JADE2: variants seen among roughly 807,000 people sequenced by gnomAD.
JADE2 encodes E3 ubiquitin-protein ligase Jade-2.
Under a neutral mutation model 85.7 loss-of-function variants are expected in JADE2, and 13 were observed. The observed-to-expected ratio is 0.15, with a 90% CI of 0.10 to 0.24. The LOEUF (loss-of-function observed/expected upper bound fraction) is 0.24. Among genes scored for constraint, JADE2 ranks in the 10% least tolerant of loss-of-function variants. JADE2 has a pLI of 1.00. For synonymous variants in JADE2, 440 were observed against 456.1 expected, an observed-to-expected ratio of 0.96 and a Z score of 0.45; for missense variants, 846 against 1,115.9, an observed-to-expected ratio of 0.76 and a Z score of 3.45.
intron 4 of JADE2, among the ~76,000 whole-genome samples, chr5:134,557,467 C>T (rs1312725038): frequency 4.6e-5 from 6 of 130,786 alleles, no homozygotes; most frequent in South Asian, 2.7e-4. Flanking sequence ...GCCATGCTGG[C>T]GCGCTGCACC....
chr5:134,578,484 CT>C lies in JADE2; in HGVS notation c.1682-9del. On this transcript the variant is annotated splice_polypyrimidine_tract_variant and intron_variant, in intron 11 of 11. Coordinates refer to ENST00000681547, the MANE Select transcript of JADE2 (RefSeq NM_001388185.1). The surrounding 1 kb of genome is among the most constrained non-coding windows in gnomAD (Gnocchi z 4.4). The stretch of plus-strand genomic sequence containing the variant: ...TGCTGGCGTCTCACTTGCCTCCTCT[CT>C]CCCCTCAGCAGGCCTGTCCACCTCA... 1 of 1,554,356 alleles carries C rather than the reference CT, an allele frequency of 6.4e-7. No homozygotes were observed. The highest frequency in any genetic ancestry group is 8.7e-7 in the Non-Finnish European group (1 of 1,144,272).
intron 2 of JADE2, among the ~76,000 whole-genome samples, chr5:134,537,604 C>G (rs929645430): frequency 6.6e-6 from 1 of 152,158 alleles, no homozygotes; most frequent in African/African-American, 2.4e-5. Context: ...CTCTGAATAC[C>G]CACTGGCATC....
chr5:134,547,597 G>A (rs1762368854), intron 3 of JADE2, among the ~76,000 whole-genome samples: 3 of 152,226 alleles, frequency 2.0e-5, no homozygotes, highest in Non-Finnish European at 4.4e-5. Context: ...TTCCAAGCCT[G>A]CCTCCTGGAA....
rs1375742739 is a variant in JADE2 at position 134,578,956 on chromosome 5, A to G, written c.2144A>G (p.Glu715Gly). The G allele has an allele frequency of 1.9e-6, 3 of 1,612,916 alleles. No individual in the cohort carries two copies. Among genetic ancestry groups the G allele is most frequent in the Non-Finnish European group, 2.5e-6 (3 of 1,179,848 alleles). Reference sequence around the variant, plus strand: ...GACTGTCCCATCCTAGCCACCCCTGAAAGCCCCCCGCCACTGGCCCCTGAG... The same window carrying G: ...GACTGTCCCATCCTAGCCACCCCTGGAAGCCCCCCGCCACTGGCCCCTGAG... ...AGDCPILATP[E>G]SPPPLAPETP... is the part of the protein sequence containing the mutation. The change falls in exon 12 of 12, where the codon GAA (glutamate) becomes GGA (glycine). Residue 715 changes from glutamate to glycine, a missense_variant. Physicochemically the swap from Glu to Gly is moderately conservative, Grantham distance 98. This residue lies in a region of JADE2 where 300 missense variants were observed against 300.7 expected (regional missense o/e 1.00). Transcript: ENST00000681547. This position sits in a 1 kb window ranked among gnomAD's most constrained non-coding sequence, Gnocchi z 4.4.
At chr5:134,547,571 A>G (rs1170370416) in intron 3 of JADE2, among the ~76,000 whole-genome samples, 1 of 152,190 alleles carries the variant, frequency 6.6e-6, no homozygotes, top group Non-Finnish European at 1.5e-5. Context: ...GAGTTTTAGG[A>G]GAACATTTAA....
Position 134,560,933 on chromosome 5 carries a change from C to T in JADE2, c.660C>T (p.Asp220=). Reference sequence around the variant, plus strand: ...ATGGCAACGAGATGGTCTTCTGTGACAAGTGCAACGTCTGTGTGCATCAGG... The same window carrying T: ...ATGGCAACGAGATGGTCTTCTGTGATAAGTGCAACGTCTGTGTGCATCAGG... The part of the protein sequence containing the change: ...GEDGNEMVFC[D]KCNVCVHQAC... The change falls in exon 6 of 12, where the codon GAC becomes GAT. Residue 220 remains aspartate (D), a synonymous_variant. Transcript: ENST00000681547. 6.2e-7 allele frequency: 1 copy of T among 1,613,922 alleles called. No homozygotes were observed. The highest frequency in any genetic ancestry group is 1.7e-5 in the Admixed American group (1 of 59,992).
chr5:134,577,256 C>A (rs748330135), intron 11 of JADE2, among the ~76,000 whole-genome samples: 2 of 152,222 alleles, frequency 1.3e-5, no homozygotes, highest in Non-Finnish European at 2.9e-5. Context: ...AAAGCCCCAT[C>A]CTTGTCCTAC....
intron 3 of JADE2, among the ~76,000 whole-genome samples, chr5:134,541,410 G>C (rs369736249): frequency 6.6e-6 from 1 of 152,218 alleles, no homozygotes; most frequent in African/African-American, 2.4e-5. Flanking sequence ...TAAATCTCAC[G>C]GACTGCTCTC....
intron 4 of JADE2, among the ~76,000 whole-genome samples, chr5:134,557,085 A>AAC (rs57933495): frequency 3.0e-4 from 45 of 147,930 alleles, no homozygotes; most frequent in African/African-American, 6.9e-4. Flanking sequence ...ACACCACACA[A>AAC]ACACACACAC....
intron 4 of JADE2, among the ~76,000 whole-genome samples, chr5:134,557,411 G>A (rs55840596): frequency 0.15 from 19,313 of 125,216 alleles, 1,666 homozygotes; most frequent in Middle Eastern, 0.24. Context: ...CTAAGTTTTA[G>A]GGTACATGTG....
chr5:134,574,193 A>G (rs1764223759), intron 10 of JADE2: 6 of 271,054 alleles, frequency 2.2e-5, no homozygotes, highest in South Asian at 1.9e-4. Context: ...CAGAGATGTG[A>G]CAGGACCTGG....
rs1764767483 is a variant in JADE2, at chr5:134,582,688, G to T, written c.*3371G>T. The stretch of plus-strand genomic sequence containing the variant: ...CTGAGACCTTTGGTTGTTCTTTAAG[G>T]CACCTCCTGCCACTTTCTCCCTCAG... On this transcript the variant is annotated 3_prime_UTR_variant, in exon 12 of 12. Coordinates refer to ENST00000681547, the MANE Select transcript of JADE2 (RefSeq NM_001388185.1). 1.3e-5 allele frequency: 2 copies of T among 152,636 alleles called. No homozygotes were observed. The highest frequency in any genetic ancestry group is 2.9e-5 in the Non-Finnish European group (2 of 68,042). The allele number at this position is 152,636 out of a possible 1,614,324, so 9.5% of individuals were successfully genotyped here. A position where few individuals can be genotyped will look rare whatever the true frequency, so the allele number is the denominator to read the frequency against.
chr5:134,574,375 C>G (rs1764235102), intron 10 of JADE2: 1 of 162,648 alleles, frequency 6.1e-6, no homozygotes, highest in South Asian at 1.7e-4. Context: ...GTGGATATTG[C>G]CAGACACAGG....
intron 3 of JADE2, among the ~76,000 whole-genome samples, chr5:134,545,368 C>T (rs1039606213): frequency 4.0e-5 from 6 of 151,404 alleles, no homozygotes; most frequent in Admixed American, 6.6e-5. Flanking sequence ...GCAGGAAGTG[C>T]TGTTATCCTC....
chr5:134,571,167 A>G (rs1763981590), intron 9 of JADE2, among the ~76,000 whole-genome samples: 1 of 152,208 alleles, frequency 6.6e-6, no homozygotes, highest in Non-Finnish European at 1.5e-5. Context: ...CTGCCAGGTC[A>G]CATGGCCTTC....
intron 4 of JADE2, among the ~76,000 whole-genome samples, chr5:134,558,980 C>T (rs1432358278): frequency 2.0e-5 from 3 of 152,238 alleles, no homozygotes; most frequent in African/African-American, 4.8e-5. Context: ...CAAGCTGCCT[C>T]AGCGGCAGAG....
chr5:134,558,816 G>A (rs1763146305), intron 4 of JADE2, among the ~76,000 whole-genome samples: 1 of 152,252 alleles, frequency 6.6e-6, no homozygotes, highest in Non-Finnish European at 1.5e-5. Flanking sequence ...GGGATTACAG[G>A]CATGAGCCAC....
chr5:134,555,562 G>T (rs1356510164), intron 4 of JADE2, among the ~76,000 whole-genome samples: 1 of 152,190 alleles, frequency 6.6e-6, no homozygotes, highest in Non-Finnish European at 1.5e-5. Context: ...CTTCACCTTG[G>T]CTCTTCAGAA....
At chr5:134,557,200 T>C (rs1306577413) in intron 4 of JADE2, among the ~76,000 whole-genome samples, 3 of 151,000 alleles carry the variant, frequency 2.0e-5, no homozygotes, top group Non-Finnish European at 4.4e-5. Context: ...TTATTGTTGT[T>C]ATTATGATGA....
Sources: gnomAD v4.1 joint callset for allele counts (sites outside exome capture counted in the v4.1 genomes callset) on GRCh38, gnomAD v4.1.1 for gene constraint, gnomAD v4.1.1 regional missense constraint, Gnocchi (gnomAD v3.1) non-coding constraint, MANE v1.5 for transcripts, NCBI Gene and HGNC (gene_info 2026-07-23, HGNC 2026-07-21) for gene names.